Variants in ZNF345 observed in about 807,000 individuals in gnomAD.
ZNF345 encodes zinc finger protein HZF10.
For synonymous variants in ZNF345, 166 were observed against 187.9 expected (o/e 0.88, Z 0.95); for missense variants, 527 against 589.9 (o/e 0.89, Z 1.10).
intron 3 of ZNF345, chr19:36,890,155 TTTA>T (rs2146220283): frequency 6.6e-6 from 1 of 152,328 alleles, no homozygotes; most frequent in Admixed American, 6.5e-5. Flanking sequence ...TTTTTTAAAA[TTTA>T]TTGATACTTG....
At chr19:36,853,851 C>G (rs1246904097) in intron 2 of ZNF345, among the ~76,000 whole-genome samples, 1 of 152,148 alleles carries the variant, frequency 6.6e-6, no homozygotes, top group Non-Finnish European at 1.5e-5. Context: ...CTTCTTTTTC[C>G]TCAAGAGTGT....
At chr19:36,852,165 G>A (rs1214911075) in intron 2 of ZNF345, among the ~76,000 whole-genome samples, 6 of 133,452 alleles carry the variant, frequency 4.5e-5, no homozygotes, top group African/African-American at 8.6e-5. Flanking sequence ...AATTACAGGC[G>A]TGAGCTGCTG....
In ZNF345 at chr19:36,892,719, C is replaced by A. The variant is rs922083404; in HGVS notation, c.47-99C>A. On this transcript the variant is annotated intron_variant, in intron 3 of 3. Coordinates refer to the ZNF345 transcript ENST00000526123. ...CTCAAATTTTGGTCTGAACCAGAGT[C>A]ACCTTAAGCCTTGGTGAATACACAG... 2.3e-5 allele frequency: 13 copies of A among 566,858 alleles called. No individual in the cohort carries two copies. In the South Asian group the frequency reaches 2.6e-4, roughly 11 times the overall value. 35.1% of individuals were successfully genotyped at this position (566,858 alleles called of 1,614,324 possible).
chr19:36,876,919 C>G lies in ZNF345; in HGVS notation c.89C>G (p.Ser30Cys). 6.2e-7 allele frequency: 1 copy of G among 1,614,080 alleles called. No individual in the cohort carries two copies. Among genetic ancestry groups the G allele is most frequent in the Non-Finnish European group, 8.5e-7 (1 of 1,179,974 alleles). The change falls in exon 3 of 3, where the codon TCT becomes TGT. Residue 30 changes from serine (S) to cysteine (C), a missense_variant. Ser to Cys is a moderately radical substitution (Grantham distance 112). Coordinates refer to ENST00000420450, the MANE Select transcript of ZNF345 (RefSeq NM_001242472.2). ...CKNQFERKQG[S>C]QEGHFSEMIF... ...AACCAGTTTGAGAGAAAACAGGGAT[C>G]TCAGGAAGGACATTTCAGTGAAATG...
rs2146224041 is a variant in ZNF345 at position 36,892,150 on chromosome 19, C to T, written c.47-668C>T. 3.1e-6 allele frequency: 5 copies of T among 1,614,026 alleles called. No homozygotes were observed. The African/African-American group carries it at 4.0e-5, about 13-fold the overall frequency. ...ACTAAAAGCCTTGCCACATTCCTTA[C>T]ATTCATAGGGTTTTTTACCAGTGTG... On this transcript the variant is annotated intron_variant, in intron 3 of 3. Transcript: ENST00000526123.
intron 2 of ZNF345, among the ~76,000 whole-genome samples, chr19:36,864,762 A>G (rs1364244037): frequency 6.6e-6 from 1 of 152,088 alleles, no homozygotes. Flanking sequence ...AATGCCTCAA[A>G]TTTTGCACCC....
intron 2 of ZNF345, among the ~76,000 whole-genome samples, chr19:36,857,295 A>G (rs967321860): frequency 3.3e-5 from 5 of 151,778 alleles, no homozygotes; most frequent in African/African-American, 9.7e-5. Context: ...TATTTTTCTT[A>G]TAAAAATTGT....
chr19:36,863,605 T>A (rs1040144032), intron 2 of ZNF345, among the ~76,000 whole-genome samples: 1 of 152,236 alleles, frequency 6.6e-6, no homozygotes, highest in African/African-American at 2.4e-5. Flanking sequence ...TTCAGCAAGC[T>A]GAGCAGTTCT....
rs778613616 is a variant in ZNF345 at position 36,892,190 on chromosome 19, G to T, written c.47-628G>T. 4.3e-6 allele frequency: 7 copies of T among 1,614,082 alleles called. No homozygotes were observed. The Middle Eastern group carries it at 4.9e-4, about 114-fold the overall frequency. On this transcript the variant is annotated intron_variant, in intron 3 of 3. Transcript: ENST00000526123. Reference sequence around the variant, plus strand: ...TTACCAGTGTGAATCCTCTGATGTCGAGTAACGAGTGAGCCACGACTAAAG... The same window carrying T: ...TTACCAGTGTGAATCCTCTGATGTCTAGTAACGAGTGAGCCACGACTAAAG...
At chr19:36,882,757 A>G (rs539390562), downstream of ZNF345, among the ~76,000 whole-genome samples, 9 of 152,274 alleles carry the variant, frequency 5.9e-5, no homozygotes, top group Admixed American at 1.3e-4. Context: ...TTAAAACATT[A>G]ATTTATTATT....
Position 36,877,907 on chromosome 19 carries a change from A to T in ZNF345, c.1077A>T (p.Gln359His), listed in dbSNP as rs142504984. The T allele has an allele frequency of 6.2e-7, 1 of 1,613,926 alleles. No homozygotes were observed. Among genetic ancestry groups the T allele is most frequent in the Non-Finnish European group, 8.5e-7 (1 of 1,179,940 alleles). ...KTFSSGSDLT[Q>H]HHRIHTGEKP... ...TTAGTAGTGGTTCAGACCTTACTCA[A>T]CATCACAGAATTCATACTGGTGAGA... Residue 359 changes from glutamine to histidine, a missense_variant, in exon 3 of 3, where the codon CAA (glutamine) becomes CAT (histidine). By Grantham distance (24) the Gln-to-His change is conservative. Transcript: ENST00000420450.
chr19:36,893,043 G>A (rs1396593335), downstream of ZNF345: 1 of 400,084 alleles, frequency 2.5e-6, no homozygotes. Context: ...CACAGAGTAT[G>A]ATACTGTATG....
intron 3 of ZNF345, among the ~76,000 whole-genome samples, chr19:36,885,241 A>C (rs1328866508): frequency 2.6e-5 from 4 of 151,652 alleles, no homozygotes; most frequent in African/African-American, 7.3e-5. Flanking sequence ...AGAAAGTTAC[A>C]TTTTCACTTC....
At chr19:36,875,629 G>A (rs2072868243) in intron 2 of ZNF345, among the ~76,000 whole-genome samples, 1 of 152,160 alleles carries the variant, frequency 6.6e-6, no homozygotes. Context: ...AATGCAGGCA[G>A]GTAGAAGAAA....
At chr19:36,892,899 G>T in exon 4 of ZNF345, 1 of 1,148,506 alleles carries the variant, frequency 8.7e-7, no homozygotes, top group Non-Finnish European at 1.1e-6. Flanking sequence ...AAGGCCATCA[G>T]CATGCCCAGG....
chr19:36,867,549 T>C (rs1326219853), intron 2 of ZNF345, among the ~76,000 whole-genome samples: 1 of 152,222 alleles, frequency 6.6e-6, no homozygotes. Context: ...TTTTCTTTCA[T>C]TGCTTGTGCT....
At chr19:36,855,533 C>A (rs1339304333) in intron 2 of ZNF345, among the ~76,000 whole-genome samples, 10 of 139,286 alleles carry the variant, frequency 7.2e-5, no homozygotes, top group Non-Finnish European at 1.2e-4. Context: ...CGGTTCATCA[C>A]AACCTCTGTC....
rs1284179313 is a variant in ZNF345 at position 36,854,230 on chromosome 19, G to GT, written c.-47+2330dup. Among the ~76,000 whole-genome samples, 1,160 of 126,372 alleles carry GT rather than the reference G, an allele frequency of 9.2e-3. 21 individuals carry two copies. The highest frequency in any genetic ancestry group is 0.037 in the African/African-American group (1,078 of 29,532). 82.9% of individuals were successfully genotyped at this position (126,372 alleles called of 152,430 possible). On this transcript the variant is annotated intron_variant, in intron 2 of 2. Coordinates refer to ENST00000420450, the MANE Select transcript of ZNF345 (RefSeq NM_001242472.2). ...AATCATAGTGATAATTTTAGCCTGGGTTTTGTTTTTTTTTTTTTTTATTGA... is the reference window on the plus strand; with the variant it reads ...AATCATAGTGATAATTTTAGCCTGGGTTTTTGTTTTTTTTTTTTTTTATTGA...
At chr19:36,851,788 C>T (rs1016353312) in intron 1 of ZNF345, 42 bp from the exon 2 acceptor site, 4 of 152,320 alleles carry the variant, frequency 2.6e-5, no homozygotes, top group Non-Finnish European at 5.9e-5. Context: ...AACTCCCTCT[C>T]AGAAGAACCT....
Sources: gnomAD v4.1 joint callset for allele counts (sites outside exome capture counted in the v4.1 genomes callset) on GRCh38, gnomAD v4.1.1 for gene constraint, MANE v1.5 for transcripts, NCBI Gene and HGNC (gene_info 2026-07-23, HGNC 2026-07-21) for gene names.